DCHS2: variants seen among roughly 807,000 people sequenced by gnomAD.
The protein encoded by DCHS2 is protocadherin-23.
DCHS2 carries 142 observed loss-of-function variants against 182.4 expected under a neutral mutation model. The observed-to-expected ratio is 0.78, with a 90% CI of 0.68 to 0.89. The LOEUF (loss-of-function observed/expected upper bound fraction) is 0.89. Among genes scored for constraint, DCHS2 ranks in the 40% least tolerant of loss-of-function variants. DCHS2 has a pLI of 0.00. For synonymous variants in DCHS2, 1,740 were observed against 1,663.3 expected, an observed-to-expected ratio of 1.05 and a Z score of -1.12; for missense variants, 4,319 against 4,198.6, an observed-to-expected ratio of 1.03 and a Z score of -0.79.
chr4:154,307,377 A>C (rs1475627287), intron 10 of DCHS2, among the ~76,000 whole-genome samples: 1 of 152,108 alleles, frequency 6.6e-6, no homozygotes, highest in African/African-American at 2.4e-5. Flanking sequence ...GCCTGTGTAT[A>C]TATGCCCATA....
At position 154,400,887 on chromosome 4, in the gene DCHS2, TCCACTCTCTCAGC is replaced by T. The variant is rs569493190; in HGVS notation, c.2053-23456_2053-23444del. On this transcript the variant is annotated intron_variant, in intron 1 of 19. Coordinates refer to ENST00000357232, the MANE Select transcript of DCHS2 (RefSeq NM_001358235.2). ...CATGCAGTTCCAGAAAATTAAGAAG[TCCACTCTCTCAGC>T]CAAGCCTTTTCTCATCACTTTCATT... is the stretch of plus-strand genomic sequence containing the variant. Among the ~76,000 whole-genome samples, 6 of 152,312 alleles carry T rather than the reference TCCACTCTCTCAGC, an allele frequency of 3.9e-5. No homozygotes were observed. In the South Asian group the frequency reaches 1.2e-3, roughly 32 times the overall value.
At chr4:154,359,277 G>A (rs1179707485) in intron 3 of DCHS2, among the ~76,000 whole-genome samples, 2 of 151,926 alleles carry the variant, frequency 1.3e-5, no homozygotes, top group East Asian at 1.9e-4. Flanking sequence ...GGAAACTGTT[G>A]TAATCAAAAA....
chr4:154,403,826 T>C (rs1382099302), intron 1 of DCHS2, among the ~76,000 whole-genome samples: 1 of 152,192 alleles, frequency 6.6e-6, no homozygotes, highest in East Asian at 1.9e-4. Context: ...TCTTTTTGTG[T>C]CAGTTTTGTA....
intron 1 of DCHS2, among the ~76,000 whole-genome samples, chr4:154,397,766 G>A (rs148083241): frequency 1.3e-5 from 2 of 152,146 alleles, no homozygotes; most frequent in African/African-American, 2.4e-5. Context: ...TTTCCCATTT[G>A]TCAATGAATT....
In DCHS2 at chr4:154,332,989, G is replaced by C; in HGVS notation, c.3219C>G (p.Ile1073Met). Reference sequence around the variant, plus strand: ...AGGATGGGCTGTGTTCGCGTTTCTCGATAACGACTGTCAGCACCAGCAGGG... The same window carrying C: ...AGGATGGGCTGTGTTCGCGTTTCTCCATAACGACTGTCAGCACCAGCAGGG... The part of the protein sequence containing the change: ...QAALLVLTVV[I>M]EKREHSPSWT... The change falls in exon 5 of 20, where the codon ATC becomes ATG. Residue 1073 changes from isoleucine (I) to methionine (M), a missense_variant. Transcript: ENST00000357232. 3.7e-6 allele frequency: 6 copies of C among 1,614,174 alleles called. No homozygotes were observed. The South Asian group carries it at 6.6e-5, about 18-fold the overall frequency.
At chr4:154,323,155 C>A in intron 7 of DCHS2, 1 of 1,501,816 alleles carries the variant, frequency 6.7e-7, no homozygotes, top group Non-Finnish European at 8.9e-7. Context: ...TTTGCTGTTG[C>A]ATCTCCAACG....
rs140733060 is a variant in DCHS2 at position 154,263,327 on chromosome 4, A to G, written c.6578-3571T>C. Among the ~76,000 whole-genome samples, 113 of 152,080 alleles carry G rather than the reference A, an allele frequency of 7.4e-4. 2 individuals carry two copies. Among genetic ancestry groups the G allele is most frequent in the African/African-American group, 2.4e-3 (100 of 41,528 alleles). On this transcript the variant is annotated intron_variant, in intron 14 of 19. Transcript: ENST00000357232. ...ATATGTTAAACTATATACTTGACCAATCTTCATGATAAAAACAACTAAAAT... is the reference window on the plus strand; with the variant it reads ...ATATGTTAAACTATATACTTGACCAGTCTTCATGATAAAAACAACTAAAAT...
intron 2 of DCHS2, among the ~76,000 whole-genome samples, chr4:154,368,517 CTT>C (rs35087635): frequency 4.5e-3 from 639 of 141,954 alleles, no homozygotes; most frequent in Middle Eastern, 7.2e-3. Flanking sequence ...ACGTATAATA[CTT>C]TTTTTTTTTT....
At chr4:154,448,459 G>T (rs1378643024) in intron 1 of DCHS2, among the ~76,000 whole-genome samples, 1 of 151,916 alleles carries the variant, frequency 6.6e-6, no homozygotes, top group East Asian at 1.9e-4. Flanking sequence ...CCACTTACCC[G>T]CTTATCCTTG....
At chr4:154,325,897 T>C (rs958112882) in intron 7 of DCHS2, among the ~76,000 whole-genome samples, 1 of 152,240 alleles carries the variant, frequency 6.6e-6, no homozygotes, top group African/African-American at 2.4e-5. Flanking sequence ...TTGCGTCAAA[T>C]TCTTTTTATC....
In DCHS2 at chr4:154,412,621, T is replaced by C. The variant is rs560112161; in HGVS notation, c.2053-35177A>G. ...TTAATATTTCAGCAAACGAGCACTT[T>C]TGAAACAATCAAACATAGCTTTATA... On this transcript the variant is annotated intron_variant, in intron 1 of 19. Coordinates refer to ENST00000357232, the MANE Select transcript of DCHS2 (RefSeq NM_001358235.2). 5.9e-5 allele frequency among the ~76,000 whole-genome samples: 9 copies of C among 152,294 alleles called. No individual in the cohort carries two copies. The South Asian group carries it at 1.9e-3, about 32-fold the overall frequency.
chr4:154,468,397 G>A (rs533240665), intron 1 of DCHS2, among the ~76,000 whole-genome samples: 1 of 152,116 alleles, frequency 6.6e-6, no homozygotes, highest in East Asian at 1.9e-4. Context: ...GTCATCTAAA[G>A]GTCCCCAATG....
chr4:154,460,859 A>G (rs1734981653), intron 1 of DCHS2, among the ~76,000 whole-genome samples: 1 of 152,234 alleles, frequency 6.6e-6, no homozygotes, highest in African/African-American at 2.4e-5. Context: ...AAACAATAAT[A>G]ATTAAAAAAC....
chr4:154,328,492 A>C (rs1443956960), intron 6 of DCHS2, among the ~76,000 whole-genome samples: 1 of 152,180 alleles, frequency 6.6e-6, no homozygotes, highest in African/African-American at 2.4e-5. Context: ...GTGTATTTTA[A>C]GATTTCTAGC....
chr4:154,314,430 G>A (rs140671893), intron 10 of DCHS2, among the ~76,000 whole-genome samples: 30 of 152,166 alleles, frequency 2.0e-4, no homozygotes, highest in East Asian at 5.8e-4. Flanking sequence ...AGCATGCTTC[G>A]GACTCAACTC....
At chr4:154,326,013 C>T (rs2896945) in intron 7 of DCHS2, among the ~76,000 whole-genome samples, 40,831 of 152,056 alleles carry the variant, frequency 0.27, 6,506 homozygotes, top group South Asian at 0.36. Context: ...TATAGTATTC[C>T]GTGAATATAC....
At position 154,490,168 on chromosome 4, in the gene DCHS2, C is replaced by G; in HGVS notation, c.1188G>C (p.Thr396=). 6.5e-7 allele frequency: 1 copy of G among 1,549,434 alleles called. No individual in the cohort carries two copies. Among genetic ancestry groups the G allele is most frequent in the South Asian group, 1.2e-5 (1 of 83,936 alleles). The part of the protein sequence containing the change: ...RDGGAEPEVA[T]VRVSIAVLDV... The stretch of plus-strand genomic sequence containing the variant: ...CCAGCACGGCGATGGACACGCGCAC[C>G]GTGGCAACCTCAGGCTCGGCGCCTC... Residue 396 remains threonine (T), a synonymous_variant, in exon 1 of 20, where the codon ACG becomes ACC. Transcript: ENST00000357232.
At position 154,239,277 on chromosome 4, in the gene DCHS2, A is replaced by G. The variant is rs150004475; in HGVS notation, c.7385T>C (p.Val2462Ala). 17,557 of 1,613,208 alleles carry G rather than the reference A, an allele frequency of 0.011. 126 individuals are homozygous for G. The highest frequency in any genetic ancestry group is 0.013 in the Non-Finnish European group (15,651 of 1,179,616). The change falls in exon 19 of 20, where the codon GTG becomes GCG. Residue 2462 changes from valine (V) to alanine (A), a missense_variant. Physicochemically the swap from Val to Ala is moderately conservative, Grantham distance 64. Transcript: ENST00000357232. ...TGACAGAGTCAGCACTGAATACCCC[A>G]CAGGTATTGATTCAGGAACTGTGAC... ...YQVTVPESIP[V>A]GYSVLTLSAT...
chr4:154,335,903 G>A (rs750763657), intron 3 of DCHS2, among the ~76,000 whole-genome samples: 7 of 152,128 alleles, frequency 4.6e-5, no homozygotes, highest in East Asian at 3.8e-4. Context: ...TCACCAGCCC[G>A]AGATGACAGA....
Sources: allele counts gnomAD v4.1 joint callset (sites outside exome capture counted in the v4.1 genomes callset), GRCh38; gene constraint gnomAD v4.1.1; transcripts MANE v1.5; gene names NCBI Gene and HGNC (gene_info 2026-07-23, HGNC 2026-07-21).